BLTP1: variants seen among roughly 807,000 people sequenced by gnomAD.
The protein encoded by BLTP1 is fragile site-associated protein.
chr4:122,267,690 A>G, the BLTP1 span: 4 of 801,938 alleles, frequency 5.0e-6, no homozygotes, highest in Non-Finnish European at 6.0e-6. Flanking sequence ...GCATGGTAAA[A>G]GTTAAGAACC....
chr4:122,245,868 A>G, the BLTP1 span, among the ~76,000 whole-genome samples: 1 of 152,106 alleles, frequency 6.6e-6, no homozygotes, highest in Non-Finnish European at 1.5e-5. Flanking sequence ...AAGCCAGAAG[A>G]GTTTAGTGAT....
chr4:122,307,606 A>G, the BLTP1 span: 3 of 985,300 alleles, frequency 3.0e-6, no homozygotes, highest in Non-Finnish European at 3.6e-6. Flanking sequence ...TAACAGCTCT[A>G]CAGATGAAGT....
At chr4:122,306,004 A>G in the BLTP1 span, 2 of 1,611,452 alleles carry the variant, frequency 1.2e-6, no homozygotes, top group East Asian at 4.5e-5. Context: ...ATTACTTTGA[A>G]TAGACCAATT....
the BLTP1 span, chr4:122,336,302 G>GA: frequency 6.2e-7 from 1 of 1,612,246 alleles, no homozygotes; most frequent in Non-Finnish European, 8.5e-7. Flanking sequence ...AGACTTTCTG[G>GA]AAAAAGCTCT....
At chr4:122,154,204 C>T in the BLTP1 span, 1 of 612,440 alleles carries the variant, frequency 1.6e-6, no homozygotes, top group Non-Finnish European at 1.9e-6. Context: ...GAGACGGAGT[C>T]TCGCTCTGTT....
chr4:122,351,319 T>G, the BLTP1 span: 1 of 624,306 alleles, frequency 1.6e-6, no homozygotes, highest in African/African-American at 2.0e-5. Flanking sequence ...TGTGAACACC[T>G]TAGAGCATAC....
At chr4:122,156,308 A>C in the BLTP1 span, among the ~76,000 whole-genome samples, 4 of 152,212 alleles carry the variant, frequency 2.6e-5, no homozygotes, top group Non-Finnish European at 5.9e-5. Flanking sequence ...GTAGAGTGAA[A>C]ATAGAAGAGA....
At chr4:122,182,565 C>T in the BLTP1 span, 8 of 777,264 alleles carry the variant, frequency 1.0e-5, no homozygotes, top group Non-Finnish European at 1.2e-5. Context: ...TAATCCTACT[C>T]ACTCATCATC....
chr4:122,197,459 A>T, the BLTP1 span: 1 of 829,398 alleles, frequency 1.2e-6, no homozygotes, highest in Non-Finnish European at 1.5e-6. Flanking sequence ...GAAAAGGGAA[A>T]CCTTTTCTAA....
the BLTP1 span, among the ~76,000 whole-genome samples, chr4:122,221,404 T>C: frequency 6.6e-6 from 1 of 152,202 alleles, no homozygotes; most frequent in African/African-American, 2.4e-5. Flanking sequence ...TTTTAAACTT[T>C]TATTTTGAAA....
chr4:122,191,204 A>G, the BLTP1 span, among the ~76,000 whole-genome samples: 14 of 152,156 alleles, frequency 9.2e-5, no homozygotes, highest in Non-Finnish European at 1.5e-5. Context: ...TGTGCTGCAT[A>G]CCAAAATATT....
the BLTP1 span, among the ~76,000 whole-genome samples, chr4:122,342,601 A>T: frequency 6.6e-6 from 1 of 152,204 alleles, no homozygotes; most frequent in Admixed American, 6.5e-5. Flanking sequence ...TGATCTGCCC[A>T]CTTCGGCCTC....
chr4:122,249,229 T>C, the BLTP1 span: 4 of 567,438 alleles, frequency 7.0e-6, no homozygotes, highest in Non-Finnish European at 8.9e-6. Context: ...ACTTTATATT[T>C]TTTAGAGTAT....
At chr4:122,266,705 C>A in the BLTP1 span, 3 of 1,298,226 alleles carry the variant, frequency 2.3e-6, no homozygotes, top group Admixed American at 2.6e-5. Flanking sequence ...GAAATAAAAG[C>A]TGCATTTTCC....
At chr4:122,165,758 T>C in the BLTP1 span, among the ~76,000 whole-genome samples, 17 of 134,182 alleles carry the variant, frequency 1.3e-4, no homozygotes, top group Middle Eastern at 3.5e-3. Flanking sequence ...TTTTAATGAT[T>C]GCCATTCTAA....
the BLTP1 span, chr4:122,266,655 T>A: frequency 1.3e-6 from 1 of 789,066 alleles, no homozygotes. Context: ...CATTTTTGCT[T>A]CACACTATGA....
the BLTP1 span, chr4:122,301,423 A>G: frequency 7.1e-7 from 1 of 1,414,730 alleles, no homozygotes; most frequent in Non-Finnish European, 9.5e-7. Context: ...TGATACTTTT[A>G]TAAAAATTTT....
the BLTP1 span, among the ~76,000 whole-genome samples, chr4:122,265,094 A>G: frequency 0.058 from 8,830 of 152,136 alleles, 360 homozygotes; most frequent in Middle Eastern, 0.085. Context: ...TTTCAGGATA[A>G]AGGTGTCTTG....
chr4:122,210,997 G>T, the BLTP1 span: 1 of 1,612,250 alleles, frequency 6.2e-7, no homozygotes, highest in Non-Finnish European at 8.5e-7. Context: ...TGATCCCTCA[G>T]AACTTCCACC....
Sources: gnomAD v4.1 joint callset for allele counts (sites outside exome capture counted in the v4.1 genomes callset) on GRCh38, gnomAD v4.1.1 for gene constraint, MANE v1.5 for transcripts, NCBI Gene and HGNC (gene_info 2026-07-23, HGNC 2026-07-21) for gene names.